The following RIMS1 variants were observed in gnomAD, a reference collection of about 807,000 sequenced individuals.
RIMS1 encodes regulating synaptic membrane exocytosis protein 1.
In RIMS1, 83 loss-of-function variants were observed where a neutral mutation model predicts 214.1. The ratio of observed to expected loss-of-function variants is 0.39; its 90% CI spans 0.32 to 0.47. The LOEUF is 0.47. Among genes scored for constraint, RIMS1 ranks in the 20% least tolerant of loss-of-function variants. The pLI is 0.99. For missense variants in RIMS1, 2,050 were observed against 2,161.8 expected (o/e 0.95, Z 1.03); for synonymous variants, 793 against 786.8 (o/e 1.01, Z -0.13).
At chr6:72,342,656 T>G (rs1054399978) in intron 29 of RIMS1, among the ~76,000 whole-genome samples, 13 of 147,540 alleles carry the variant, frequency 8.8e-5, no homozygotes, top group Admixed American at 2.7e-4. Context: ...TGTGTGTGTG[T>G]GGGCATGCAT....
chr6:72,182,540 A>G lies in RIMS1; in HGVS notation c.1069A>G (p.Ser357Gly). 1 of 1,559,452 alleles carries G rather than the reference A, an allele frequency of 6.4e-7. No homozygotes were observed. Among genetic ancestry groups the G allele is most frequent in the Non-Finnish European group, 8.7e-7 (1 of 1,152,570 alleles). Residue 357 changes from serine (S) to glycine (G), a missense_variant, in exon 6 of 34, where the codon AGC becomes GGC. Ser to Gly is a moderately conservative substitution (Grantham distance 56). Coordinates refer to ENST00000521978, the MANE Select transcript of RIMS1 (RefSeq NM_014989.7). ...GGAGGATTATCAGACCAGGTACCGC[A>G]GCGACCCGAACCTAGCTCGGTACCC... ...KEEDYQTRYR[S>G]DPNLARYPVK...
At chr6:72,193,199 T>C (rs532680619) in intron 6 of RIMS1, among the ~76,000 whole-genome samples, 6 of 152,340 alleles carry the variant, frequency 3.9e-5, no homozygotes, top group East Asian at 3.9e-4. Flanking sequence ...GTGAAGAACT[T>C]ATTGCCTCAC....
intron 2 of RIMS1, among the ~76,000 whole-genome samples, chr6:72,042,825 C>G (rs890463777): frequency 1.3e-5 from 2 of 151,648 alleles, no homozygotes; most frequent in African/African-American, 4.8e-5. Context: ...AAAAATGGGT[C>G]CCCAGATTTT....
rs770239702 is a variant in RIMS1, at chr6:72,250,344, T to C, written c.2256T>C (p.Tyr752=). ...ATTGCTCCTAGGTGAAGTTGTGGTA[T>C]GATAAAGTGGGACACCAGCTGATTG... ...LPGQLSVKLW[Y]DKVGHQLIVN... is the part of the protein sequence containing the mutation. The change falls in exon 13 of 34, where the codon TAT becomes TAC. Residue 752 remains tyrosine, a synonymous_variant. Coordinates refer to ENST00000521978, the MANE Select transcript of RIMS1 (RefSeq NM_014989.7). 2.5e-6 allele frequency: 4 copies of C among 1,608,212 alleles called. No individual in the cohort carries two copies. The highest frequency in any genetic ancestry group is 3.4e-6 in the Non-Finnish European group (4 of 1,177,598).
chr6:72,102,283 C>T (rs868028442), intron 4 of RIMS1, among the ~76,000 whole-genome samples: 3 of 151,926 alleles, frequency 2.0e-5, no homozygotes, highest in East Asian at 1.9e-4. Flanking sequence ...GAACTTGCTA[C>T]GTTTCTTGTT....
intron 28 of RIMS1, among the ~76,000 whole-genome samples, chr6:72,321,867 TC>T (rs2096189404): frequency 6.6e-6 from 1 of 151,988 alleles, no homozygotes; most frequent in African/African-American, 2.4e-5. Flanking sequence ...TTCAAATGAG[TC>T]ATCAAGGCCT....
At chr6:72,376,520 G>A (rs1175482470) in intron 29 of RIMS1, among the ~76,000 whole-genome samples, 1 of 152,114 alleles carries the variant, frequency 6.6e-6, no homozygotes, top group African/African-American at 2.4e-5. Flanking sequence ...GGGGGAGGCC[G>A]AGGCAGGCAG....
At chr6:71,898,532 A>G (rs1418945110) in intron 1 of RIMS1, among the ~76,000 whole-genome samples, 1 of 152,134 alleles carries the variant, frequency 6.6e-6, no homozygotes, top group Non-Finnish European at 1.5e-5. Context: ...TTTGCATTTC[A>G]GAATTAGGCT....
intron 2 of RIMS1, among the ~76,000 whole-genome samples, chr6:72,070,148 T>C (rs1176703735): frequency 6.6e-6 from 1 of 152,216 alleles, no homozygotes; most frequent in Non-Finnish European, 1.5e-5. Flanking sequence ...TTCTAGGGAC[T>C]AATAATACAA....
intron 2 of RIMS1, among the ~76,000 whole-genome samples, chr6:72,004,255 A>C (rs1231739540): frequency 6.6e-5 from 10 of 151,376 alleles, no homozygotes; most frequent in East Asian, 3.9e-4. Context: ...ACATTTTCTT[A>C]ATCCAGTCTA....
intron 2 of RIMS1, among the ~76,000 whole-genome samples, chr6:72,054,532 C>T (rs1825629390): frequency 6.6e-6 from 1 of 152,172 alleles, no homozygotes; most frequent in Non-Finnish European, 1.5e-5. Context: ...AACTAATTTA[C>T]ATTCCCACCG....
chr6:72,231,109 ACT>A (rs1442869797), intron 6 of RIMS1, among the ~76,000 whole-genome samples: 1 of 151,570 alleles, frequency 6.6e-6, no homozygotes, highest in African/African-American at 2.4e-5. Flanking sequence ...GAAATATTAG[ACT>A]CTGAATATTT....
At chr6:71,907,359 T>G (rs909956814) in intron 1 of RIMS1, among the ~76,000 whole-genome samples, 10 of 152,304 alleles carry the variant, frequency 6.6e-5, no homozygotes, top group African/African-American at 2.4e-4. Context: ...CTAGGAAAAC[T>G]CACTGTATAA....
rs758074855 is a variant in RIMS1, at chr6:72,399,079, G to T, written c.4845G>T (p.Gln1615His). The change falls in exon 33 of 34, where the codon CAG (glutamine) becomes CAT (histidine). Residue 1615 changes from glutamine (Q) to histidine (H), a missense_variant. This residue lies in a region of RIMS1 where 121 missense variants were observed against 187.3 expected (regional missense o/e 0.65). Coordinates refer to ENST00000521978, the MANE Select transcript of RIMS1 (RefSeq NM_014989.7). Reference protein sequence around the residue: ...QQSLVFDESPQGKVLQVIVWG... With the variant: ...QQSLVFDESPHGKVLQVIVWG... ...CTCTGGTTTTTGATGAAAGTCCACAGGGTAAAGTTCTTCAGGTCAGTAATA... is the reference window on the plus strand; with the variant it reads ...CTCTGGTTTTTGATGAAAGTCCACATGGTAAAGTTCTTCAGGTCAGTAATA... The T allele has an allele frequency of 4.4e-6, 7 of 1,604,908 alleles. No individual in the cohort carries two copies. The highest frequency in any genetic ancestry group is 2.7e-5 in the African/African-American group (2 of 74,722).
intron 6 of RIMS1, chr6:72,213,205 C>A (rs1163991167): frequency 6.5e-7 from 1 of 1,536,452 alleles, no homozygotes; most frequent in South Asian, 1.2e-5. Flanking sequence ...ACAATTGAAG[C>A]TCGACGAGCA....
chr6:72,291,829 G>T (rs1172968608), intron 25 of RIMS1, 105 bp from the exon 26 acceptor site: 8 of 813,060 alleles, frequency 9.8e-6, no homozygotes, highest in African/African-American at 1.7e-5. Flanking sequence ...TTGGCCCAGT[G>T]AGGGGGTTTA....
intron 1 of RIMS1, among the ~76,000 whole-genome samples, chr6:71,965,679 G>C (rs1293475529): frequency 6.6e-6 from 1 of 152,202 alleles, no homozygotes; most frequent in Admixed American, 6.5e-5. Context: ...AATCTTCAGT[G>C]ATGCTTCAGT....
At chr6:72,208,598 A>G (rs925618008) in intron 6 of RIMS1, among the ~76,000 whole-genome samples, 1 of 152,148 alleles carries the variant, frequency 6.6e-6, no homozygotes, top group African/African-American at 2.4e-5. Flanking sequence ...TCAACTTCTG[A>G]TTATCCTTTA....
intron 2 of RIMS1, among the ~76,000 whole-genome samples, chr6:71,989,969 G>A (rs770036085): frequency 3.9e-5 from 6 of 152,042 alleles, no homozygotes; most frequent in Admixed American, 2.0e-4. Flanking sequence ...GGACACCCAC[G>A]TCCCAGCTTC....
Sources: allele counts gnomAD v4.1 joint callset (sites outside exome capture counted in the v4.1 genomes callset), GRCh38; gene constraint gnomAD v4.1.1; regional missense constraint gnomAD v4.1.1; transcripts MANE v1.5; gene names NCBI Gene and HGNC (gene_info 2026-07-23, HGNC 2026-07-21).